The following TUSC3 variants were observed in gnomAD, a reference collection of about 807,000 sequenced individuals.
The protein encoded by TUSC3 is tumor suppressor candidate 3.
A neutral mutation model predicts 44.8 loss-of-function variants in TUSC3; 45 were observed. The ratio of observed to expected loss-of-function variants is 1.00; its 90% CI spans 0.79 to 1.29. TUSC3 has a LOEUF of 1.29. Ranked by LOEUF, TUSC3 falls within the 50% of genes most tolerant of loss-of-function variation. The pLI is 0.00. For missense variants in TUSC3, 519 were observed against 437.9 expected (o/e 1.19, Z -1.65); for synonymous variants, 212 against 152.9 (o/e 1.39, Z -2.85).
At chr8:15,790,155 T>C in the TUSC3 span, among the ~76,000 whole-genome samples, 2 of 149,676 alleles carry the variant, frequency 1.3e-5, no homozygotes, top group African/African-American at 2.5e-5. Context: ...TAAGGAGTGG[T>C]AACTAACAGG....
intron 6 of TUSC3, among the ~76,000 whole-genome samples, chr8:15,697,314 C>T (rs942238406): frequency 6.6e-6 from 1 of 152,036 alleles, no homozygotes; most frequent in Non-Finnish European, 1.5e-5. Flanking sequence ...TTCCTTTCTT[C>T]TGCTGAGTTT....
chr8:15,589,991 T>C (rs1803757859), intron 1 of TUSC3, among the ~76,000 whole-genome samples: 1 of 152,086 alleles, frequency 6.6e-6, no homozygotes, highest in Non-Finnish European at 1.5e-5. Context: ...TTTATAATGT[T>C]TGTCTGTAAT....
intron 2 of TUSC3, among the ~76,000 whole-genome samples, chr8:15,485,230 C>G (rs1487302372): frequency 6.6e-6 from 1 of 152,162 alleles, no homozygotes; most frequent in Non-Finnish European, 1.5e-5. Context: ...TCTAGTTTTT[C>G]AGACATCGGC....
At chr8:15,500,433 A>T (rs1173145281) in intron 2 of TUSC3, among the ~76,000 whole-genome samples, 1 of 152,170 alleles carries the variant, frequency 6.6e-6, no homozygotes, top group East Asian at 1.9e-4. Context: ...CACCATTGGG[A>T]TTTTTTAGTC....
At chr8:15,469,090 A>C (rs1800451613) in intron 1 of TUSC3, among the ~76,000 whole-genome samples, 1 of 152,168 alleles carries the variant, frequency 6.6e-6, no homozygotes. Context: ...CCCTGGAGAT[A>C]ATGAGCTTCT....
intron 2 of TUSC3, among the ~76,000 whole-genome samples, chr8:15,509,435 C>T (rs751985054): frequency 6.6e-6 from 1 of 152,114 alleles, no homozygotes; most frequent in Non-Finnish European, 1.5e-5. Context: ...ATGGTGACAT[C>T]CCATCTCTAC....
At chr8:15,592,342 G>C (rs1258757249) in intron 1 of TUSC3, among the ~76,000 whole-genome samples, 1 of 152,172 alleles carries the variant, frequency 6.6e-6, no homozygotes, top group Non-Finnish European at 1.5e-5. Flanking sequence ...AATAGCACTT[G>C]ATACGGTTTG....
At chr8:15,485,298 A>C (rs147789150) in intron 2 of TUSC3, among the ~76,000 whole-genome samples, 88 of 152,252 alleles carry the variant, frequency 5.8e-4, no homozygotes, top group African/African-American at 2.1e-3. Context: ...GTTCTATTAG[A>C]ATTTCACTTC....
At chr8:15,539,771 T>C (rs114191418), upstream of TUSC3, among the ~76,000 whole-genome samples, 2,479 of 152,162 alleles carry the variant, frequency 0.016, 76 homozygotes, top group African/African-American at 0.055. Context: ...GAATGAGTCA[T>C]TGAATGAAGT....
At chr8:15,572,701 G>C (rs1802923525) in intron 1 of TUSC3, among the ~76,000 whole-genome samples, 1 of 152,062 alleles carries the variant, frequency 6.6e-6, no homozygotes, top group African/African-American at 2.4e-5. Flanking sequence ...CATTTCACTT[G>C]AACACCTAGA....
At chr8:15,589,494 G>T (rs759107057) in intron 1 of TUSC3, among the ~76,000 whole-genome samples, 10 of 151,952 alleles carry the variant, frequency 6.6e-5, no homozygotes, top group Non-Finnish European at 8.8e-5. Flanking sequence ...TATAAAGAGG[G>T]GTTTAACATG....
At chr8:15,771,175 AAGT>A (rs1220593322), downstream of TUSC3, among the ~76,000 whole-genome samples, 1 of 152,180 alleles carries the variant, frequency 6.6e-6, no homozygotes, top group Non-Finnish European at 1.5e-5. Flanking sequence ...ATGAAGGATA[AAGT>A]AGTACCTTCC....
chr8:15,679,155 A>G (rs1417652164), intron 6 of TUSC3, among the ~76,000 whole-genome samples: 1 of 152,132 alleles, frequency 6.6e-6, no homozygotes, highest in East Asian at 1.9e-4. Context: ...TGGCAGTTCT[A>G]ATTTTAGTTC....
chr8:15,706,621 C>T lies in TUSC3; in HGVS notation c.799-24045C>T, dbSNP rs374332842. 8.2e-4 allele frequency among the ~76,000 whole-genome samples: 124 copies of T among 152,046 alleles called. 2 individuals are homozygous for T. The South Asian group carries it at 0.022, about 27-fold the overall frequency. On this transcript the variant is annotated intron_variant, in intron 6 of 10. Coordinates refer to ENST00000503731, the MANE Select transcript of TUSC3 (RefSeq NM_006765.4). ...GAAAAGATAACAGTATTATCAATTT[C>T]GTGTAGCTCATACTGAAATGTGGAT...
chr8:15,637,566 T>C (rs1346012496), intron 2 of TUSC3, among the ~76,000 whole-genome samples: 1 of 152,230 alleles, frequency 6.6e-6, no homozygotes, highest in Non-Finnish European at 1.5e-5. Flanking sequence ...TTAGGGAAAT[T>C]TTTTATCAGT....
the TUSC3 span, among the ~76,000 whole-genome samples, chr8:15,831,865 A>C: frequency 2.0e-5 from 3 of 152,144 alleles, no homozygotes; most frequent in Non-Finnish European, 4.4e-5. Flanking sequence ...CTTGGAAAAC[A>C]TACTGCAGGA....
intron 1 of TUSC3, among the ~76,000 whole-genome samples, chr8:15,598,146 T>G (rs968090910): frequency 6.6e-6 from 1 of 151,830 alleles, no homozygotes; most frequent in African/African-American, 2.4e-5. Flanking sequence ...CCAGTTGGGG[T>G]TTTATGTGAT....
intron 2 of TUSC3, among the ~76,000 whole-genome samples, chr8:15,642,850 T>A (rs890334245): frequency 6.6e-6 from 1 of 152,240 alleles, no homozygotes. Context: ...GTGGCCTGTA[T>A]GTCTTACCTC....
chr8:15,705,321 CTATT>C (rs1281844822), intron 6 of TUSC3, among the ~76,000 whole-genome samples: 1 of 151,962 alleles, frequency 6.6e-6, no homozygotes, highest in Admixed American at 6.6e-5. Context: ...TGAACAAAAA[CTATT>C]TAAACAAGAA....
Sources: allele counts gnomAD v4.1 joint callset (sites outside exome capture counted in the v4.1 genomes callset), GRCh38; gene constraint gnomAD v4.1.1; transcripts MANE v1.5; gene names NCBI Gene and HGNC (gene_info 2026-07-23, HGNC 2026-07-21).